CCDC15: variants seen among roughly 807,000 people sequenced by gnomAD.
The protein encoded by CCDC15 is coiled-coil domain-containing protein 15.
A neutral mutation model predicts 114.5 loss-of-function variants in CCDC15; 105 were observed. That is an observed-to-expected ratio of 0.92 (90% confidence interval 0.78 to 1.08). CCDC15 has a LOEUF of 1.08. CCDC15 is among the 50% of genes least tolerant of loss of function. CCDC15 has a pLI of 0.00. For missense variants in CCDC15, 1,105 were observed against 1,093.6 expected, an observed-to-expected ratio of 1.01 and a Z score of -0.15; for synonymous variants, 334 against 377.8, an observed-to-expected ratio of 0.88 and a Z score of 1.34.
chr11:124,958,333 A>C (rs995349883), intron 2 of CCDC15, among the ~76,000 whole-genome samples: 2 of 151,598 alleles, frequency 1.3e-5, no homozygotes, highest in East Asian at 1.9e-4. Context: ...TAAATTAATA[A>C]ATTTTCTTAA....
At chr11:125,004,480 A>G (rs1229566153) in intron 12 of CCDC15, among the ~76,000 whole-genome samples, 1 of 152,042 alleles carries the variant, frequency 6.6e-6, no homozygotes, top group African/African-American at 2.4e-5. Context: ...ACTATTTAGA[A>G]CTTCAGTAAT....
intron 12 of CCDC15, 54 bp from the exon 13 acceptor site, chr11:125,005,055 C>T (rs1238251671): frequency 1.0e-5 from 8 of 768,362 alleles, no homozygotes; most frequent in African/African-American, 5.5e-5. Flanking sequence ...ATTTTTCTTC[C>T]TTGGAAATTC....
At chr11:124,971,870 A>AT (rs1270069636) in intron 4 of CCDC15, among the ~76,000 whole-genome samples, 7 of 152,142 alleles carry the variant, frequency 4.6e-5, no homozygotes, top group South Asian at 2.1e-4. Context: ...AAATTTAGGC[A>AT]TTTTTTATTG....
Position 124,986,832 on chromosome 11 carries a change from C to G in CCDC15, c.844C>G (p.Gln282Glu), listed in dbSNP as rs1301680617. 1 of 1,559,540 alleles carries G rather than the reference C, an allele frequency of 6.4e-7. No homozygotes were observed. The highest frequency in any genetic ancestry group is 1.2e-5 in the South Asian group (1 of 84,384). Residue 282 changes from glutamine (Q) to glutamate (E), a missense_variant, in exon 7 of 16, where the codon CAG (glutamine) becomes GAG (glutamate). Transcript: ENST00000344762. Reference sequence around the variant, plus strand: ...AGAAGATTTGTTTGGGAGAGGCCAGCAGGACCAGCAGGCTATCCATTCTGA... The same window carrying G: ...AGAAGATTTGTTTGGGAGAGGCCAGGAGGACCAGCAGGCTATCCATTCTGA... ...GKEDLFGRGQQDQQAIHSEDK... is the reference protein window; with the variant it reads ...GKEDLFGRGQEDQQAIHSEDK...
chr11:125,021,486 C>T (rs1353686216), intron 13 of CCDC15, among the ~76,000 whole-genome samples: 1 of 151,752 alleles, frequency 6.6e-6, no homozygotes, highest in Non-Finnish European at 1.5e-5. Flanking sequence ...ACTATAATAT[C>T]TAAGGGTTTT....
intron 4 of CCDC15, among the ~76,000 whole-genome samples, chr11:124,972,052 A>G (rs1947892644): frequency 6.6e-6 from 1 of 152,202 alleles, no homozygotes; most frequent in Non-Finnish European, 1.5e-5. Flanking sequence ...CAGCTGATCT[A>G]TGAGTAAACT....
intron 4 of CCDC15, 135 bp downstream of exon 4, chr11:124,960,138 T>C (rs867879555): frequency 0.17 from 73,600 of 441,534 alleles, 4,217 homozygotes; most frequent in African/African-American, 0.33. Context: ...CATCCCCCTT[T>C]TTTTTTTTTT....
At chr11:125,013,846 T>C (rs1301695008) in intron 13 of CCDC15, among the ~76,000 whole-genome samples, 1 of 152,182 alleles carries the variant, frequency 6.6e-6, no homozygotes, top group African/African-American at 2.4e-5. Context: ...TTTCAAAATA[T>C]GTTTCAGCAT....
At chr11:124,957,154 G>A (rs1256979793) in intron 2 of CCDC15, among the ~76,000 whole-genome samples, 2 of 152,164 alleles carry the variant, frequency 1.3e-5, no homozygotes, top group Non-Finnish European at 2.9e-5. Flanking sequence ...ATTTGAGCAG[G>A]GTACAGTGGT....
intron 13 of CCDC15, among the ~76,000 whole-genome samples, chr11:125,029,486 C>A (rs1157491512): frequency 6.6e-6 from 1 of 152,092 alleles, no homozygotes. Context: ...GATGTGAAGT[C>A]AATAAATCTT....
chr11:124,961,825 C>T (rs997064229), intron 4 of CCDC15, among the ~76,000 whole-genome samples: 3 of 151,790 alleles, frequency 2.0e-5, no homozygotes, highest in Admixed American at 6.6e-5. Flanking sequence ...CACACCTGGC[C>T]GAGATAATTT....
chr11:124,980,385 G>A (rs1025332269), intron 6 of CCDC15, among the ~76,000 whole-genome samples: 1 of 152,164 alleles, frequency 6.6e-6, no homozygotes, highest in Non-Finnish European at 1.5e-5. Flanking sequence ...ATTCAGCTAT[G>A]AATTTGTCTG....
intron 4 of CCDC15, among the ~76,000 whole-genome samples, chr11:124,974,585 T>C (rs891310009): frequency 1.3e-5 from 2 of 152,064 alleles, no homozygotes; most frequent in Non-Finnish European, 2.9e-5. Flanking sequence ...GAAAAGACTT[T>C]AAGTAGCTAT....
intron 6 of CCDC15, among the ~76,000 whole-genome samples, chr11:124,981,696 T>C (rs1038513560): frequency 6.6e-6 from 1 of 152,154 alleles, no homozygotes; most frequent in Non-Finnish European, 1.5e-5. Flanking sequence ...CTCAGCTCAC[T>C]GCAGCCTCTG....
At position 125,041,359 on chromosome 11, in the gene CCDC15, TGTGA is replaced by T. The variant is rs750704424; in HGVS notation, c.*653_*656del. On this transcript the variant is annotated 3_prime_UTR_variant, in exon 16 of 16. Transcript: ENST00000344762. ...TTGAATATCTTCTATGTGAAATAATTGTGAGTGACATTTGAAAAAGTGAATCTGA... is the reference window on the plus strand; with the variant it reads ...TTGAATATCTTCTATGTGAAATAATTGTGACATTTGAAAAAGTGAATCTGA... 8 of 152,166 alleles carry T rather than the reference TGTGA, an allele frequency of 5.3e-5. No individual in the cohort carries two copies. The highest frequency in any genetic ancestry group is 1.2e-4 in the Non-Finnish European group (8 of 68,006). 9.4% of individuals were successfully genotyped at this position (152,166 alleles called of 1,614,324 possible). A position where few individuals can be genotyped will look rare whatever the true frequency, so the allele number is the denominator to read the frequency against.
chr11:124,996,373 AT>A (rs1447088079), intron 11 of CCDC15, among the ~76,000 whole-genome samples: 1 of 152,088 alleles, frequency 6.6e-6, no homozygotes, highest in African/African-American at 2.4e-5. Flanking sequence ...TTTTGTTGCT[AT>A]TATTACTTAT....
intron 10 of CCDC15, 45 bp downstream of exon 10, chr11:124,992,732 G>A: frequency 9.2e-7 from 1 of 1,088,352 alleles, no homozygotes; most frequent in African/African-American, 1.6e-5. Flanking sequence ...TCTAAAAGGG[G>A]AACAAGCCTA....
chr11:124,977,985 T>C (rs77543339), intron 6 of CCDC15, among the ~76,000 whole-genome samples: 8,813 of 152,208 alleles, frequency 0.058, 291 homozygotes, highest in African/African-American at 0.087. Flanking sequence ...TAGGTAGTTT[T>C]CCCATCCTCA....
intron 4 of CCDC15, among the ~76,000 whole-genome samples, chr11:124,964,698 A>G (rs1484015641): frequency 6.6e-6 from 1 of 152,194 alleles, no homozygotes; most frequent in Non-Finnish European, 1.5e-5. Flanking sequence ...GTGGTGAGAG[A>G]GGGCATCGCT....
Sources: allele counts gnomAD v4.1 joint callset (sites outside exome capture counted in the v4.1 genomes callset), GRCh38; gene constraint gnomAD v4.1.1; transcripts MANE v1.5; gene names NCBI Gene and HGNC (gene_info 2026-07-23, HGNC 2026-07-21).